Variants in ERO1B observed in about 807,000 individuals in gnomAD.
ERO1B encodes ERO1-like protein beta.
A neutral mutation model predicts 75.3 loss-of-function variants in ERO1B; 49 were observed. The ratio of observed to expected loss-of-function variants is 0.65; its 90% CI spans 0.52 to 0.83. ERO1B has a LOEUF of 0.83. ERO1B is among the 40% of genes least tolerant of loss of function. The pLI, the probability that ERO1B is intolerant of heterozygous loss-of-function variation, is 0.00. For synonymous variants in ERO1B, 191 were observed against 192.9 expected, an observed-to-expected ratio of 0.99 and a Z score of 0.08; for missense variants, 512 against 560.1, an observed-to-expected ratio of 0.91 and a Z score of 0.87.
chr1:236,217,684 T>C lies in ERO1B; in HGVS notation c.*832A>G, dbSNP rs1179978669. 2.6e-5 allele frequency: 4 copies of C among 152,562 alleles called. No individual in the cohort carries two copies. The highest frequency in any genetic ancestry group is 4.4e-5 in the Non-Finnish European group (3 of 68,012). 9.5% of individuals were successfully genotyped at this position (152,562 alleles called of 1,614,324 possible). A position where few individuals can be genotyped will look rare whatever the true frequency, so the allele number is the denominator to read the frequency against. On this transcript the variant is annotated 3_prime_UTR_variant, in exon 16 of 16. Coordinates refer to ENST00000354619, the MANE Select transcript of ERO1B (RefSeq NM_019891.4). ...AAATATTTCTGCAGTGTTTTCTTTCTAAAAGTAACTGACAATTTCCAAAAT... is the reference window on the plus strand; with the variant it reads ...AAATATTTCTGCAGTGTTTTCTTTCCAAAAGTAACTGACAATTTCCAAAAT...
At chr1:236,223,392 G>C (rs1179169298) in intron 13 of ERO1B, among the ~76,000 whole-genome samples, 1 of 152,020 alleles carries the variant, frequency 6.6e-6, no homozygotes. Context: ...TTGCATTGAG[G>C]GAAATATTTT....
rs943300880 is a variant in ERO1B, at chr1:236,215,699, T to A, written c.*2817A>T. The A allele has an allele frequency of 3.3e-5, 5 of 151,778 alleles. No individual in the cohort carries two copies. Among genetic ancestry groups the A allele is most frequent in the Non-Finnish European group, 7.4e-5 (5 of 67,952 alleles). The allele number at this position is 151,778 out of a possible 1,614,324, so 9.4% of individuals were successfully genotyped here. A position where few individuals can be genotyped will look rare whatever the true frequency, so the allele number is the denominator to read the frequency against. ...ACATAGATTTGTGTGTGTGTTTTTT[T>A]ACCAAATAATTTCCACGATACCATG... is the stretch of plus-strand genomic sequence containing the variant. On this transcript the variant is annotated 3_prime_UTR_variant, in exon 16 of 16. Transcript: ENST00000354619.
At chr1:236,262,863 G>A (rs140586306) in intron 2 of ERO1B, among the ~76,000 whole-genome samples, 4 of 152,246 alleles carry the variant, frequency 2.6e-5, no homozygotes, top group Non-Finnish European at 5.9e-5. Flanking sequence ...AAATGCTGCA[G>A]GTAGACAAGC....
chr1:236,233,043 C>G (rs866936724), intron 8 of ERO1B, among the ~76,000 whole-genome samples: 2 of 152,130 alleles, frequency 1.3e-5, no homozygotes, highest in African/African-American at 2.4e-5. Flanking sequence ...GGCGTGGTGG[C>G]TCACGGCGGT....
chr1:236,265,083 A>G (rs1468523915), intron 2 of ERO1B, among the ~76,000 whole-genome samples: 9 of 145,672 alleles, frequency 6.2e-5, no homozygotes, highest in East Asian at 2.0e-4. Context: ...ATCACACTGG[A>G]TAGTTGTTTT....
intron 6 of ERO1B, among the ~76,000 whole-genome samples, chr1:236,238,012 T>C (rs1664585482): frequency 6.6e-6 from 1 of 152,178 alleles, no homozygotes; most frequent in Non-Finnish European, 1.5e-5. Flanking sequence ...GTTGGTTTTT[T>C]GTATTTTTAG....
At chr1:236,270,410 A>C (rs747032134) in intron 1 of ERO1B, among the ~76,000 whole-genome samples, 1 of 152,192 alleles carries the variant, frequency 6.6e-6, no homozygotes, top group Non-Finnish European at 1.5e-5. Context: ...GCACAGTATT[A>C]AGAGCTTTAT....
At chr1:236,278,243 G>A (rs908551609) in intron 1 of ERO1B, among the ~76,000 whole-genome samples, 5 of 152,060 alleles carry the variant, frequency 3.3e-5, no homozygotes, top group African/African-American at 4.8e-5. Flanking sequence ...CCTGTGTGAG[G>A]ACTGTCTCAT....
chr1:236,261,840 G>A (rs1158120424), intron 2 of ERO1B, among the ~76,000 whole-genome samples: 1 of 152,192 alleles, frequency 6.6e-6, no homozygotes, highest in Non-Finnish European at 1.5e-5. Flanking sequence ...AGGAAGCAGA[G>A]GTGGGAGGAT....
intron 5 of ERO1B, among the ~76,000 whole-genome samples, chr1:236,247,026 A>T (rs1389652409): frequency 2.0e-5 from 3 of 152,196 alleles, no homozygotes; most frequent in African/African-American, 7.2e-5. Flanking sequence ...TTTAAAATCC[A>T]ACCCAATGGA....
At chr1:236,269,249 T>A (rs1665535932) in intron 2 of ERO1B, among the ~76,000 whole-genome samples, 1 of 152,082 alleles carries the variant, frequency 6.6e-6, no homozygotes, top group Non-Finnish European at 1.5e-5. Flanking sequence ...ATAGTAAGAA[T>A]AATAAAAAAT....
At chr1:236,262,442 G>T (rs945624609) in intron 2 of ERO1B, among the ~76,000 whole-genome samples, 6 of 151,892 alleles carry the variant, frequency 4.0e-5, no homozygotes, top group Non-Finnish European at 7.4e-5. Flanking sequence ...TCACTCTGTC[G>T]CCCAGGCTGG....
At chr1:236,219,658 G>A (rs1249849207) in intron 15 of ERO1B, among the ~76,000 whole-genome samples, 1 of 152,022 alleles carries the variant, frequency 6.6e-6, no homozygotes, top group East Asian at 1.9e-4. Flanking sequence ...TATCTATCCT[G>A]TGTCTGAAAT....
intron 6 of ERO1B, among the ~76,000 whole-genome samples, chr1:236,242,942 C>T (rs1037170776): frequency 1.3e-5 from 2 of 152,178 alleles, no homozygotes; most frequent in Non-Finnish European, 2.9e-5. Context: ...TCCTCCCCAG[C>T]ATTAGAAAGC....
chr1:236,277,476 T>A (rs1327831868), intron 1 of ERO1B, among the ~76,000 whole-genome samples: 1 of 150,902 alleles, frequency 6.6e-6, no homozygotes, highest in African/African-American at 2.4e-5. Flanking sequence ...GAAAAACTGA[T>A]GATCCAGGAA....
intron 5 of ERO1B, 63 bp downstream of exon 5, chr1:236,249,822 A>G: frequency 8.0e-7 from 1 of 1,252,874 alleles, no homozygotes. Context: ...TACCAAAATC[A>G]TAAAAAATTG....
intron 1 of ERO1B, among the ~76,000 whole-genome samples, chr1:236,270,805 A>T (rs1291770248): frequency 6.6e-6 from 1 of 152,178 alleles, no homozygotes; most frequent in African/African-American, 2.4e-5. Flanking sequence ...AAATGAAAAA[A>T]TTTTAGAAAT....
intron 2 of ERO1B, among the ~76,000 whole-genome samples, chr1:236,259,216 T>C (rs1222060337): frequency 2.0e-5 from 3 of 152,074 alleles, no homozygotes; most frequent in Non-Finnish European, 2.9e-5. Flanking sequence ...TCATGGTAAC[T>C]ACAAAGCAAA....
chr1:236,233,891 A>T (rs188134481), intron 8 of ERO1B, among the ~76,000 whole-genome samples: 2 of 152,330 alleles, frequency 1.3e-5, no homozygotes, highest in Admixed American at 1.3e-4. Context: ...GGTGAGGAAG[A>T]GGCCAGAGGT....
Sources: gnomAD v4.1 joint callset for allele counts (sites outside exome capture counted in the v4.1 genomes callset) on GRCh38, gnomAD v4.1.1 for gene constraint, MANE v1.5 for transcripts, NCBI Gene and HGNC (gene_info 2026-07-23, HGNC 2026-07-21) for gene names.